Variants in MCC observed in about 807,000 individuals in gnomAD.
MCC encodes MCC regulator of Wnt signaling pathway, also known as colorectal mutant cancer protein.
Under a neutral mutation model 116.2 loss-of-function variants are expected in MCC, and 90 were observed. The observed-to-expected ratio is 0.77, with a 90% CI of 0.65 to 0.92. The LOEUF is 0.92. Ranked by LOEUF, MCC falls within the 40% of genes least tolerant of loss-of-function variation. The pLI, the probability that MCC is intolerant of heterozygous loss-of-function variation, is 0.00. For missense variants in MCC, 1,516 were observed against 1,312.2 expected (o/e 1.16, Z -2.40); for synonymous variants, 578 against 510.5 (o/e 1.13, Z -1.78).
intron 3 of MCC, among the ~76,000 whole-genome samples, chr5:113,330,558 G>C (rs1767674707): frequency 2.0e-5 from 3 of 152,180 alleles, no homozygotes; most frequent in Admixed American, 6.5e-5. Context: ...GGATGGAAAA[G>C]AAACTACAAG....
chr5:113,413,002 G>C (rs560826796), intron 1 of MCC, among the ~76,000 whole-genome samples: 25 of 152,244 alleles, frequency 1.6e-4, no homozygotes, highest in African/African-American at 6.0e-4. Context: ...TTTTGTCAAA[G>C]GCCTTTTCTG....
chr5:113,174,755 GT>G (rs1438816334), intron 3 of MCC, among the ~76,000 whole-genome samples: 3 of 151,888 alleles, frequency 2.0e-5, no homozygotes, highest in Non-Finnish European at 4.4e-5. Context: ...ACAGGTGTGA[GT>G]TTTGTAGTTT....
Position 113,064,119 on chromosome 5 carries a change from T to A in MCC, c.2078A>T (p.His693Leu). The A allele has an allele frequency of 6.2e-7, 1 of 1,613,396 alleles. No individual in the cohort carries two copies. The highest frequency in any genetic ancestry group is 1.7e-5 in the Admixed American group (1 of 60,000). ...GTTCTCAGCTGTCTTCCGGCAGTCA[T>A]GAGCTCGCTTGAGCATCTGAGTGAT... ...ENITQMLKRA[H>L]DCRKTAENAA... is the part of the protein sequence containing the mutation. Residue 693 changes from histidine to leucine, a missense_variant, in exon 14 of 19, where the codon CAT becomes CTT. By Grantham distance (99) the His-to-Leu change is moderately conservative. Transcript: ENST00000408903.
intron 17 of MCC, 54 bp downstream of exon 17, chr5:113,043,476 C>G: frequency 6.8e-7 from 1 of 1,479,642 alleles, no homozygotes; most frequent in Non-Finnish European, 9.4e-7. Context: ...GAACTCAGAA[C>G]AAAGTCTCCA....
At chr5:113,062,855 G>A (rs1193853610) in intron 14 of MCC, among the ~76,000 whole-genome samples, 1 of 152,194 alleles carries the variant, frequency 6.6e-6, no homozygotes, top group African/African-American at 2.4e-5. Context: ...GGTCCCACCA[G>A]GGGAGAAAGA....
At chr5:113,274,785 G>A (rs1234071330) in intron 3 of MCC, among the ~76,000 whole-genome samples, 1 of 152,184 alleles carries the variant, frequency 6.6e-6, no homozygotes, top group Non-Finnish European at 1.5e-5. Context: ...GTGGGCTATG[G>A]AATCACTAAG....
intron 17 of MCC, among the ~76,000 whole-genome samples, chr5:113,037,738 G>A (rs1011685913): frequency 1.3e-5 from 2 of 152,168 alleles, no homozygotes; most frequent in African/African-American, 4.8e-5. Context: ...GAAGATACAT[G>A]ATGGAGGTGA....
chr5:113,168,884 G>C (rs1760916621), intron 3 of MCC, among the ~76,000 whole-genome samples: 1 of 152,266 alleles, frequency 6.6e-6, no homozygotes, highest in South Asian at 2.1e-4. Context: ...GGCTTGACTA[G>C]TAGCAAGCAA....
At chr5:113,245,981 A>C (rs2150341311) in intron 3 of MCC, among the ~76,000 whole-genome samples, 1 of 152,332 alleles carries the variant, frequency 6.6e-6, no homozygotes, top group East Asian at 1.9e-4. Context: ...TTTCAGAAAA[A>C]GATCTTGTTA....
chr5:113,024,917 T>A lies in MCC; in HGVS notation c.*2385A>T, dbSNP rs935353083. On this transcript the variant is annotated 3_prime_UTR_variant, in exon 19 of 19. Coordinates refer to ENST00000408903, the MANE Select transcript of MCC (RefSeq NM_001085377.2). ...AAAATTAACACTTTTGCCTGCAAAA[T>A]AGTTTTTACCCAAATCACATTTGAA... is the stretch of plus-strand genomic sequence containing the variant. 2.6e-5 allele frequency: 4 copies of A among 152,188 alleles called. No homozygotes were observed. Among genetic ancestry groups the A allele is most frequent in the African/African-American group, 9.7e-5 (4 of 41,448 alleles). 9.4% of individuals were successfully genotyped at this position (152,188 alleles called of 1,614,324 possible). A position where few individuals can be genotyped will look rare whatever the true frequency, so the allele number is the denominator to read the frequency against.
At chr5:113,215,783 G>C (rs1763292093) in intron 3 of MCC, among the ~76,000 whole-genome samples, 1 of 152,104 alleles carries the variant, frequency 6.6e-6, no homozygotes, top group South Asian at 2.1e-4. Flanking sequence ...ACTAGTTTCT[G>C]GTATCCCATT....
chr5:113,165,698 T>G (rs1341710878), intron 3 of MCC, among the ~76,000 whole-genome samples: 1 of 152,146 alleles, frequency 6.6e-6, no homozygotes, highest in African/African-American at 2.4e-5. Flanking sequence ...TGTTTCTGAC[T>G]TTCTCTAAAT....
intron 15 of MCC, among the ~76,000 whole-genome samples, chr5:113,050,215 A>C (rs990942232): frequency 6.6e-6 from 1 of 152,214 alleles, no homozygotes; most frequent in African/African-American, 2.4e-5. Context: ...GATTGCAGCC[A>C]AGCTGTCTGG....
At chr5:113,100,311 A>T (rs1756315568) in intron 8 of MCC, among the ~76,000 whole-genome samples, 1 of 152,136 alleles carries the variant, frequency 6.6e-6, no homozygotes, top group Non-Finnish European at 1.5e-5. Flanking sequence ...AATGGCAACT[A>T]AGAATACTTA....
At chr5:113,433,547 C>T (rs1207715381) in intron 1 of MCC, 2 of 694,184 alleles carry the variant, frequency 2.9e-6, no homozygotes, top group Admixed American at 5.8e-5. Flanking sequence ...TTGGATTTGA[C>T]TTTGGCCTCA....
In MCC at chr5:113,223,481, AC is replaced by A. The variant is rs1280646254; in HGVS notation, c.628-72060del. On this transcript the variant is annotated intron_variant, in intron 3 of 18. Coordinates refer to ENST00000408903, the MANE Select transcript of MCC (RefSeq NM_001085377.2). ...GAATTTCTGAAACTGCTATTAGATA[AC>A]ATCACTCTGGTGATACTGCCAAGCC... 2.6e-5 allele frequency among the ~76,000 whole-genome samples: 4 copies of A among 152,296 alleles called. No homozygotes were observed. The South Asian group carries it at 8.3e-4, about 32-fold the overall frequency.
At chr5:113,488,019 A>G (rs1226277731) in intron 1 of MCC, among the ~76,000 whole-genome samples, 4 of 152,098 alleles carry the variant, frequency 2.6e-5, no homozygotes, top group Admixed American at 2.6e-4. Flanking sequence ...AGACAAAGAC[A>G]GCGCTGGGAA....
chr5:113,333,941 CAAGG>C (rs1386633859), intron 3 of MCC, among the ~76,000 whole-genome samples: 1 of 122,496 alleles, frequency 8.2e-6, no homozygotes, highest in Non-Finnish European at 1.7e-5. Flanking sequence ...TGAGGGAAGA[CAAGG>C]AGACAAATGA....
At chr5:113,036,782 G>A (rs1751358632) in intron 17 of MCC, among the ~76,000 whole-genome samples, 1 of 152,126 alleles carries the variant, frequency 6.6e-6, no homozygotes, top group African/African-American at 2.4e-5. Context: ...CTGGAGGGAT[G>A]GCAAAAAAGT....
Sources: gnomAD v4.1 joint callset for allele counts (sites outside exome capture counted in the v4.1 genomes callset) on GRCh38, gnomAD v4.1.1 for gene constraint, MANE v1.5 for transcripts, NCBI Gene and HGNC (gene_info 2026-07-23, HGNC 2026-07-21) for gene names.